SPECC1: variants seen among roughly 807,000 people sequenced by gnomAD.
The protein encoded by SPECC1 is cytospin-B.
A neutral mutation model predicts 104.1 loss-of-function variants in SPECC1; 62 were observed. The observed-to-expected ratio is 0.60, with a 90% confidence interval of 0.49 to 0.74. SPECC1 has a LOEUF of 0.74. SPECC1 is among the 30% of genes least tolerant of loss of function. SPECC1 has a pLI of 0.00. For synonymous variants in SPECC1, 513 were observed against 501.6 expected (o/e 1.02, Z -0.30); for missense variants, 1,306 against 1,310.5 (o/e 1.00, Z 0.05).
In SPECC1 at chr17:20,125,523, G is replaced by A. The variant is rs567120313; in HGVS notation, c.283+14961G>A. 7.2e-5 allele frequency among the ~76,000 whole-genome samples: 11 copies of A among 152,316 alleles called. No individual in the cohort carries two copies. In the South Asian group the frequency reaches 1.7e-3, roughly 23 times the overall value. On this transcript the variant is annotated intron_variant, in intron 3 of 14. Coordinates refer to ENST00000395527, the MANE Select transcript of SPECC1 (RefSeq NM_001243439.2). ...GCTTACGCATCTGTACCCACTGAACGACTCCCTGTCGCACTGTCTGCAGCC... is the reference window on the plus strand; with the variant it reads ...GCTTACGCATCTGTACCCACTGAACAACTCCCTGTCGCACTGTCTGCAGCC...
intron 12 of SPECC1, among the ~76,000 whole-genome samples, chr17:20,267,557 G>A (rs911698647): frequency 2.0e-5 from 3 of 152,056 alleles, no homozygotes; most frequent in African/African-American, 7.2e-5. Context: ...GCCAAGTGAT[G>A]TCTCTGGCTT....
intron 3 of SPECC1, among the ~76,000 whole-genome samples, chr17:20,154,954 A>G (rs1032498396): frequency 2.0e-5 from 3 of 152,290 alleles, no homozygotes; most frequent in East Asian, 3.9e-4. Context: ...ATGGAGATGG[A>G]GAGGACTATT....
At chr17:20,068,410 A>G (rs1157316203) in intron 1 of SPECC1, among the ~76,000 whole-genome samples, 2 of 152,026 alleles carry the variant, frequency 1.3e-5, no homozygotes, top group East Asian at 3.9e-4. Context: ...GGTTTTTTCT[A>G]CTTTATGGCT....
intron 14 of SPECC1, among the ~76,000 whole-genome samples, chr17:20,312,920 C>CTTA (rs2041970472): frequency 6.6e-6 from 1 of 152,146 alleles, no homozygotes; most frequent in Non-Finnish European, 1.5e-5. Flanking sequence ...CTCTGTTAAC[C>CTTA]CCCAGGAACT....
chr17:20,153,494 A>T (rs1487238634), intron 3 of SPECC1, among the ~76,000 whole-genome samples: 1 of 152,210 alleles, frequency 6.6e-6, no homozygotes, highest in Non-Finnish European at 1.5e-5. Context: ...GGAAGTAGTA[A>T]GTTAGTTGGG....
intron 1 of SPECC1, among the ~76,000 whole-genome samples, chr17:20,023,658 GTA>G (rs1232850930): frequency 2.0e-5 from 3 of 152,140 alleles, no homozygotes; most frequent in Admixed American, 2.0e-4. Context: ...TGGGGTGAGA[GTA>G]TAGCTGGAAA....
At chr17:20,162,336 C>T (rs2033239440) in intron 3 of SPECC1, among the ~76,000 whole-genome samples, 1 of 151,528 alleles carries the variant, frequency 6.6e-6, no homozygotes, top group African/African-American at 2.4e-5. Context: ...TTAGTAGACA[C>T]AGGGTTTCAC....
chr17:20,011,216 T>C (rs1484929591), intron 1 of SPECC1, among the ~76,000 whole-genome samples: 1 of 152,232 alleles, frequency 6.6e-6, no homozygotes, highest in African/African-American at 2.4e-5. Flanking sequence ...TCCCTCAAGT[T>C]TGGCAGAACT....
At chr17:20,091,614 C>T (rs992731031) in intron 1 of SPECC1, among the ~76,000 whole-genome samples, 1 of 152,200 alleles carries the variant, frequency 6.6e-6, no homozygotes, top group Non-Finnish European at 1.5e-5. Flanking sequence ...AGGTCAGGAG[C>T]AAATTCGACC....
At chr17:20,222,575 A>G (rs985594736) in intron 4 of SPECC1, among the ~76,000 whole-genome samples, 4 of 152,114 alleles carry the variant, frequency 2.6e-5, no homozygotes, top group Non-Finnish European at 5.9e-5. Context: ...TTATTATACC[A>G]TGTCTTGAAA....
rs375048674 is a variant in SPECC1, at chr17:20,229,192, T to C, written c.2071+1572T>C. Among the ~76,000 whole-genome samples, 58 of 152,324 alleles carry C rather than the reference T, an allele frequency of 3.8e-4. No homozygotes were observed. In the East Asian group the frequency reaches 7.5e-3, roughly 20 times the overall value. On this transcript the variant is annotated intron_variant, in intron 5 of 14. Coordinates refer to ENST00000395527, the MANE Select transcript of SPECC1 (RefSeq NM_001243439.2). ...CTTAATACCATGCTTTTAACATTTT[T>C]GTGCTTTTGTTTTTGGTGACTTTGC...
chr17:20,265,732 T>C (rs1307185309), intron 12 of SPECC1, among the ~76,000 whole-genome samples: 2 of 152,246 alleles, frequency 1.3e-5, no homozygotes, highest in Non-Finnish European at 2.9e-5. Context: ...CGAAGTCTTA[T>C]ATTTAAATCT....
chr17:20,167,894 T>A (rs2033789762), intron 3 of SPECC1, among the ~76,000 whole-genome samples: 1 of 152,212 alleles, frequency 6.6e-6, no homozygotes, highest in South Asian at 2.1e-4. Flanking sequence ...CTAGAAAAAC[T>A]ATAACTTGTA....
intron 2 of SPECC1, among the ~76,000 whole-genome samples, chr17:20,099,511 CAAAAAAAAAAA>C (rs56285234): frequency 8.7e-5 from 8 of 91,782 alleles, no homozygotes; most frequent in African/African-American, 2.3e-4. Flanking sequence ...TGTCTTTACC[CAAAAAAAAAAA>C]AAAAAAAAAA....
chr17:20,026,968 A>G (rs1278246207), intron 1 of SPECC1, among the ~76,000 whole-genome samples: 1 of 152,094 alleles, frequency 6.6e-6, no homozygotes, highest in Non-Finnish European at 1.5e-5. Context: ...TCTTTTTGAT[A>G]GTAGCCATTC....
chr17:20,199,614 A>C (rs979645618), intron 3 of SPECC1, among the ~76,000 whole-genome samples: 1 of 151,872 alleles, frequency 6.6e-6, no homozygotes, highest in South Asian at 2.1e-4. Context: ...TCTGTTGCCC[A>C]GGCTGTTCTT....
At chr17:20,048,208 AC>A (rs1182263203) in intron 1 of SPECC1, among the ~76,000 whole-genome samples, 1 of 147,736 alleles carries the variant, frequency 6.8e-6, no homozygotes, top group Non-Finnish European at 1.5e-5. Flanking sequence ...ATCTCGGCTC[AC>A]TGCAAGCTCC....
chr17:20,166,243 G>T (rs1210183193), intron 3 of SPECC1, among the ~76,000 whole-genome samples: 1 of 152,130 alleles, frequency 6.6e-6, no homozygotes, highest in Non-Finnish European at 1.5e-5. Context: ...AAACCTATTT[G>T]AAACACATGG....
rs200274101 is a variant in SPECC1, at chr17:20,232,423, C to G, written c.2351+18C>G. On this transcript the variant is annotated intron_variant, in intron 7 of 14. Coordinates refer to ENST00000395527, the MANE Select transcript of SPECC1 (RefSeq NM_001243439.2). The stretch of plus-strand genomic sequence containing the variant: ...GCCCCTCCGTGAGTCTGGTGGGCAC[C>G]AGGGCCGTGCTTGCTTCTCAATCAC... 6.3e-7 allele frequency: 1 copy of G among 1,588,360 alleles called. No individual in the cohort carries two copies. Among genetic ancestry groups the G allele is most frequent in the African/African-American group, 1.3e-5 (1 of 74,562 alleles).
Sources: allele counts gnomAD v4.1 joint callset (sites outside exome capture counted in the v4.1 genomes callset), GRCh38; gene constraint gnomAD v4.1.1; transcripts MANE v1.5; gene names NCBI Gene and HGNC (gene_info 2026-07-23, HGNC 2026-07-21).